Variants in OPLAH observed in about 807,000 individuals in gnomAD.
OPLAH encodes 5-oxoprolinase.
In OPLAH, 103 loss-of-function variants were observed where a neutral mutation model predicts 122.8. That is an observed-to-expected ratio of 0.84 (90% confidence interval 0.71 to 0.99). The LOEUF is 0.99. Ranked by LOEUF, OPLAH falls within the 50% of genes least tolerant of loss-of-function variation. OPLAH has a pLI of 0.00. For synonymous variants in OPLAH, 875 were observed against 796.0 expected, an observed-to-expected ratio of 1.10 and a Z score of -1.67; for missense variants, 1,902 against 1,836.5, an observed-to-expected ratio of 1.04 and a Z score of -0.65.
In OPLAH at chr8:144,057,150, T is replaced by C. The variant is rs1554759450; in HGVS notation, c.1536-32A>G. 3.1e-6 allele frequency: 5 copies of C among 1,594,220 alleles called. No individual in the cohort carries two copies. In the East Asian group the frequency reaches 9.1e-5, roughly 29 times the overall value. On this transcript the variant is annotated intron_variant, in intron 11 of 26. Coordinates refer to ENST00000618853, the MANE Select transcript of OPLAH (RefSeq NM_017570.5). The stretch of plus-strand genomic sequence containing the variant: ...GGATGGGCAGCATGGCAATGGGAGG[T>C]CACCTCCCAAGCCCGGCGCAGATCA...
In OPLAH at chr8:144,060,096, G is replaced by A; in HGVS notation, c.-53-11C>T. On this transcript the variant is annotated splice_polypyrimidine_tract_variant and intron_variant, in intron 1 of 26. Coordinates refer to ENST00000618853, the MANE Select transcript of OPLAH (RefSeq NM_017570.5). ...GTAGCCCTGGAAAAACTGGACGGAG[G>A]CGGGGTCAGCCCGGGCTCACCTGCG... The A allele has an allele frequency of 6.5e-7, 1 of 1,538,526 alleles. No homozygotes were observed. The highest frequency in any genetic ancestry group is 1.2e-5 in the South Asian group (1 of 83,088).
Position 144,053,144 on chromosome 8 carries a change from G to A in OPLAH, c.2872-15C>T, listed in dbSNP as rs1554758148. 2 of 1,607,662 alleles carry A rather than the reference G, an allele frequency of 1.2e-6. No individual in the cohort carries two copies. The highest frequency in any genetic ancestry group is 1.7e-5 in the Admixed American group (1 of 59,236). On this transcript the variant is annotated splice_polypyrimidine_tract_variant and intron_variant, in intron 20 of 26. Coordinates refer to ENST00000618853, the MANE Select transcript of OPLAH (RefSeq NM_017570.5). ...TCAGCGTTTGCCTGGCAGGGAGCAG[G>A]ATCAGTGGTGGCCAGGTCACCTGCA... is the stretch of plus-strand genomic sequence containing the variant.
At chr8:144,059,193 C>T in intron 3 of OPLAH, 114 bp from the exon 4 acceptor site, 1 of 856,328 alleles carries the variant, frequency 1.2e-6, no homozygotes, top group Non-Finnish European at 1.8e-6. Flanking sequence ...GTCGGCAGGC[C>T]CAGGAGAGTC....
At chr8:144,051,584 C>A in intron 26 of OPLAH, 112 bp from the exon 27 acceptor site, 2 of 1,176,664 alleles carry the variant, frequency 1.7e-6, no homozygotes, top group Admixed American at 2.4e-5. Context: ...CCCCCATGGA[C>A]CACGGAGGCC....
upstream of OPLAH, among the ~76,000 whole-genome samples, chr8:144,061,741 G>A (rs1285607953): frequency 3.3e-5 from 5 of 152,048 alleles, no homozygotes; most frequent in Non-Finnish European, 7.4e-5. Flanking sequence ...ATGGGCAACC[G>A]GCCTGGCACG....
rs1835548275 is a variant in OPLAH at position 144,057,428 on chromosome 8, G to A, written c.1422+20C>T. 1 of 1,583,882 alleles carries A rather than the reference G, an allele frequency of 6.3e-7. No individual in the cohort carries two copies. On this transcript the variant is annotated intron_variant, in intron 10 of 26. Transcript: ENST00000618853. ...GCAGGGCTGGGGGCAGGACAGGCGGGAGAGCAGAGGTGGACGTACCTGCGT... is the reference window on the plus strand; with the variant it reads ...GCAGGGCTGGGGGCAGGACAGGCGGAAGAGCAGAGGTGGACGTACCTGCGT...
rs1170846109 is a variant in OPLAH, at chr8:144,060,687, G to C, written c.-88C>G. 6.6e-6 allele frequency: 1 copy of C among 152,022 alleles called. No homozygotes were observed. The highest frequency in any genetic ancestry group is 1.5e-5 in the Non-Finnish European group (1 of 67,998). The allele number at this position is 152,022 out of a possible 1,614,324, so 9.4% of individuals were successfully genotyped here. On this transcript the variant is annotated 5_prime_UTR_variant, in exon 1 of 27. Transcript: ENST00000618853. ...GGCTCCGGCTCGGTCGCTCGCGGTC[G>C]GCTCTGCCTGCGCTCCCGGCGGCCC... is the stretch of plus-strand genomic sequence containing the variant.
At position 144,052,564 on chromosome 8, in the gene OPLAH, C is replaced by T; in HGVS notation, c.3188G>A (p.Arg1063Gln). The T allele has an allele frequency of 1.3e-6, 2 of 1,596,824 alleles. No individual in the cohort carries two copies. The highest frequency in any genetic ancestry group is 2.2e-5 in the East Asian group (1 of 44,658). ...GGGCGACGGGTCCAGGATGGAGCCT[C>T]GGGGAATGACCACGCGCACTGGCGC... ...CLAPVRVVIP[R>Q]GSILDPSPEA... The change falls in exon 23 of 27, where the codon CGA becomes CAA. Residue 1063 changes from arginine (R) to glutamine (Q), a missense_variant. Physicochemically the swap from Arg to Gln is conservative, Grantham distance 43 (BLOSUM62 1). Transcript: ENST00000618853.
At position 144,056,506 on chromosome 8, in the gene OPLAH, C is replaced by A. The variant is rs556631164; in HGVS notation, c.1862G>T (p.Gly621Val). The A allele has an allele frequency of 1.2e-6, 2 of 1,611,824 alleles. No individual in the cohort carries two copies. Among genetic ancestry groups the A allele is most frequent in the Non-Finnish European group, 1.7e-6 (2 of 1,179,362 alleles). Residue 621 changes from glycine to valine, a missense_variant, in exon 14 of 27, where the codon GGC (glycine) becomes GTC (valine). Around this residue, in one of 3 missense-constraint regions of OPLAH, gnomAD observed 1,726 missense variants for 1,642.1 expected, o/e 1.05. Coordinates refer to ENST00000618853, the MANE Select transcript of OPLAH (RefSeq NM_017570.5). ...AFVERYMREF[G>V]FVIPERPVVV... ...CACCGGCCGCTCAGGTATGACAAAG[C>A]CAAACTCCCTCATGTACCTGCACTC...
At chr8:144,059,818 T>A in intron 2 of OPLAH, 28 bp from the exon 3 acceptor site, 1 of 1,610,718 alleles carries the variant, frequency 6.2e-7, no homozygotes, top group Non-Finnish European at 8.5e-7. Flanking sequence ...AGTGTGGGGC[T>A]TCTGGCCGTG....
intron 1 of OPLAH, 65 bp from the exon 2 acceptor site, chr8:144,060,150 G>A (rs968305407): frequency 2.8e-5 from 33 of 1,160,712 alleles, no homozygotes; most frequent in Middle Eastern, 2.6e-4. Context: ...CCAGCCCTGC[G>A]CATGCGGGGG....
At position 144,057,291 on chromosome 8, in the gene OPLAH, C is replaced by T. The variant is rs1354801778; in HGVS notation, c.1452G>A (p.Val484=). ...QARGHDPSAH[V]LACFGGAGGQ... ...CACCAGCTCCCCCAAAGCAGGCCAGCACATGGGCTGAGGGGTCATGGCCTC... is the reference window on the plus strand; with the variant it reads ...CACCAGCTCCCCCAAAGCAGGCCAGTACATGGGCTGAGGGGTCATGGCCTC... The change falls in exon 11 of 27, where the codon GTG becomes GTA. Residue 484 remains valine, a synonymous_variant. Coordinates refer to ENST00000618853, the MANE Select transcript of OPLAH (RefSeq NM_017570.5). 6.2e-7 allele frequency: 1 copy of T among 1,612,244 alleles called. No individual in the cohort carries two copies. The highest frequency in any genetic ancestry group is 8.5e-7 in the Non-Finnish European group (1 of 1,179,740).
At position 144,057,606 on chromosome 8, in the gene OPLAH, C is replaced by T. The variant is rs575593264; in HGVS notation, c.1264G>A (p.Ala422Thr). The change falls in exon 10 of 27, where the codon GCC becomes ACC. Residue 422 changes from alanine (A) to threonine (T), a missense_variant. Coordinates refer to ENST00000618853, the MANE Select transcript of OPLAH (RefSeq NM_017570.5). Reference sequence around the variant, plus strand: ...ACAGCCTCCAGGGCTTTGCGGGAGGCCTCAGGGGAAAGTGGTTGGTTCTCT... The same window carrying T: ...ACAGCCTCCAGGGCTTTGCGGGAGGTCTCAGGGGAAAGTGGTTGGTTCTCT... ...PGENQPLSPE[A>T]SRKALEAVAT... 6.3e-7 allele frequency: 1 copy of T among 1,590,192 alleles called. No homozygotes were observed. The highest frequency in any genetic ancestry group is 1.3e-5 in the African/African-American group (1 of 74,478).
Position 144,057,481 on chromosome 8 carries a change from C to A in OPLAH, c.1389G>T (p.Glu463Asp). The A allele has an allele frequency of 6.3e-7, 1 of 1,594,268 alleles. No individual in the cohort carries two copies. The highest frequency in any genetic ancestry group is 2.3e-5 in the East Asian group (1 of 44,094). ...VAMGFVRVAN[E>D]AMCRPIRALT... Reference sequence around the variant, plus strand: ...GTGCACGGATGGGCCGGCACATGGCCTCGTTGGCCACGCGCACGAACCCCA... The same window carrying A: ...GTGCACGGATGGGCCGGCACATGGCATCGTTGGCCACGCGCACGAACCCCA... The change falls in exon 10 of 27, where the codon GAG (glutamate) becomes GAT (aspartate). Residue 463 changes from glutamate to aspartate, a missense_variant. Glu to Asp is a conservative substitution (Grantham distance 45). Around this residue, in one of 3 missense-constraint regions of OPLAH, gnomAD observed 1,726 missense variants for 1,642.1 expected, o/e 1.05. Coordinates refer to ENST00000618853, the MANE Select transcript of OPLAH (RefSeq NM_017570.5).
Position 144,056,647 on chromosome 8 carries a change from C to T in OPLAH, c.1815G>A (p.Ala605=), listed in dbSNP as rs555897838. ...QHPATARSPR[A]GDFGAAFVER... is the part of the protein sequence containing the mutation. ...CCACAAAGGCTGCCCCGAAGTCCCC[C>T]GCACGGGGCGAGCGGGCTGTGGCTG... The change falls in exon 13 of 27, where the codon GCG becomes GCA. Residue 605 remains alanine, a synonymous_variant. Coordinates refer to ENST00000618853, the MANE Select transcript of OPLAH (RefSeq NM_017570.5). 3.7e-5 allele frequency: 59 copies of T among 1,612,094 alleles called. No homozygotes were observed. Among genetic ancestry groups the T allele is most frequent in the South Asian group, 3.2e-4 (29 of 91,064 alleles).
In OPLAH at chr8:144,058,609, G is replaced by C. The variant is rs1835590292; in HGVS notation, c.670C>G (p.Pro224Ala). 5 of 1,603,316 alleles carry C rather than the reference G, an allele frequency of 3.1e-6. No individual in the cohort carries two copies. The East Asian group carries it at 1.1e-4, about 36-fold the overall frequency. ...THVSLSSEAM[P>A]MVRIVPRGHT... ...CCCCGAGGGACGATGCGCACCATGG[G>C]CATGGCCTCCGAGGACAGTGACACG... is the stretch of plus-strand genomic sequence containing the variant. The change falls in exon 6 of 27, where the codon CCC (proline) becomes GCC (alanine). Residue 224 changes from proline (P) to alanine (A), a missense_variant. Around this residue, in one of 3 missense-constraint regions of OPLAH, gnomAD observed 1,726 missense variants for 1,642.1 expected, o/e 1.05. Transcript: ENST00000618853.
chr8:144,050,694 G>A (rs1835352013), downstream of OPLAH: 8 of 985,394 alleles, frequency 8.1e-6, no homozygotes, highest in Non-Finnish European at 9.6e-6. Context: ...CCTGGGCCCT[G>A]GGTATCGTGC....
At chr8:144,050,534 T>A (rs1835349358), downstream of OPLAH, 3 of 985,644 alleles carry the variant, frequency 3.0e-6, no homozygotes, top group African/African-American at 3.5e-5. Flanking sequence ...CGCCTCTCTC[T>A]GCAGACCACC....
chr8:144,056,603 C>T lies in OPLAH; in HGVS notation c.1844+15G>A. The T allele has an allele frequency of 6.2e-7, 1 of 1,612,262 alleles. No individual in the cohort carries two copies. The highest frequency in any genetic ancestry group is 8.5e-7 in the Non-Finnish European group (1 of 1,179,762). ...GGGCCCCTTGCCAGGGATCCGGAGT[C>T]AGGAAGCCACGTACCGCTCCACAAA... On this transcript the variant is annotated intron_variant, in intron 13 of 26. Coordinates refer to ENST00000618853, the MANE Select transcript of OPLAH (RefSeq NM_017570.5).
Sources: allele counts gnomAD v4.1 joint callset (sites outside exome capture counted in the v4.1 genomes callset), GRCh38; gene constraint gnomAD v4.1.1; regional missense constraint gnomAD v4.1.1; transcripts MANE v1.5; gene names NCBI Gene and HGNC (gene_info 2026-07-23, HGNC 2026-07-21).